SVEP1: variants seen among roughly 807,000 people sequenced by gnomAD.
SVEP1 encodes the protein sushi, von Willebrand factor type A, EGF and pentraxin domain containing 1.
Under a neutral mutation model 367.3 loss-of-function variants are expected in SVEP1, and 164 were observed. That is an observed-to-expected ratio of 0.45 (90% CI 0.39 to 0.51). SVEP1 has a LOEUF of 0.51. Among genes scored for constraint, SVEP1 ranks in the 20% least tolerant of loss-of-function variants. The probability of loss-of-function intolerance (pLI) is 0.00; values close to 1 mark genes in which losing one functional copy is unlikely to be tolerated. For synonymous variants in SVEP1, 1,666 were observed against 1,611.6 expected, an observed-to-expected ratio of 1.03 and a Z score of -0.81; for missense variants, 4,117 against 4,425.3, an observed-to-expected ratio of 0.93 and a Z score of 1.98.
rs764969877 is a variant in SVEP1, at chr9:110,429,124, T to C, written c.5807+19A>G. 2 of 1,529,746 alleles carry C rather than the reference T, an allele frequency of 1.3e-6. No individual in the cohort carries two copies. The highest frequency in any genetic ancestry group is 1.8e-6 in the Non-Finnish European group (2 of 1,140,846). The allele number at this position is 1,529,746 out of a possible 1,614,324, so 94.8% of individuals were successfully genotyped here. ...AACACAGTATTGTAGAAAGCTTGGT[T>C]GGTGTCTACAAATGTTACCTGTATC... On this transcript the variant is annotated intron_variant, in intron 35 of 47. Transcript: ENST00000374469.
intron 41 of SVEP1, among the ~76,000 whole-genome samples, chr9:110,387,848 G>C (rs1451830488): frequency 6.6e-6 from 1 of 152,122 alleles, no homozygotes; most frequent in South Asian, 2.1e-4. Context: ...TAAAATAGAG[G>C]ATGCCCTGTT....
intron 1 of SVEP1, among the ~76,000 whole-genome samples, chr9:110,551,989 T>C (rs1296619303): frequency 6.7e-6 from 1 of 148,954 alleles, no homozygotes; most frequent in East Asian, 2.0e-4. Context: ...CCCTTGGTCA[T>C]AATGACAGCG....
Position 110,514,121 on chromosome 9 carries a change from G to A in SVEP1, c.965-15C>T, listed in dbSNP as rs1314704379. 1.2e-6 allele frequency: 2 copies of A among 1,604,138 alleles called. No homozygotes were observed. The highest frequency in any genetic ancestry group is 8.5e-7 in the Non-Finnish European group (1 of 1,174,718). On this transcript the variant is annotated splice_polypyrimidine_tract_variant and intron_variant, in intron 3 of 47. Transcript: ENST00000374469. ...CGATGGGCAAGCTGTGGGCAGACAA[G>A]CCGGAGAAGTCCATGTTATGTGGCA...
In SVEP1 at chr9:110,387,413, T is replaced by C. The variant is rs552175675; in HGVS notation, c.9932A>G (p.Asp3311Gly). Residue 3311 changes from aspartate to glycine, a missense_variant, in exon 42 of 48, where the codon GAC becomes GGC. Coordinates refer to ENST00000374469, the MANE Select transcript of SVEP1 (RefSeq NM_153366.4). ...TPLEFLNGKA[D>G]IENRTTGPNV... ...GGGTCCAGTCGTCCTGTTTTCAATG[T>C]CAGCTTTCCCATTGAGAAATTCAAG... 2 of 1,612,946 alleles carry C rather than the reference T, an allele frequency of 1.2e-6. No individual in the cohort carries two copies. The highest frequency in any genetic ancestry group is 1.1e-5 in the South Asian group (1 of 90,912).
intron 26 of SVEP1, among the ~76,000 whole-genome samples, chr9:110,445,351 C>T (rs778878165): frequency 6.6e-6 from 1 of 152,170 alleles, no homozygotes; most frequent in Non-Finnish European, 1.5e-5. Flanking sequence ...AATATGCACA[C>T]TGAGTTTGTA....
At position 110,569,456 on chromosome 9, in the gene SVEP1, C is replaced by CAAAAA. The variant is rs11368565; in HGVS notation, c.531+9552_531+9556dup. On this transcript the variant is annotated intron_variant, in intron 1 of 47. Coordinates refer to ENST00000374469, the MANE Select transcript of SVEP1 (RefSeq NM_153366.4). The stretch of plus-strand genomic sequence containing the variant: ...GGGCAACAAGAGTGAAACTCAGTCT[C>CAAAAA]AAAAAAAAAAAAAAAAAATTTGAGG... Among the ~76,000 whole-genome samples, 142 of 116,862 alleles carry CAAAAA rather than the reference C, an allele frequency of 1.2e-3. 1 individual carries two copies. Among genetic ancestry groups the CAAAAA allele is most frequent in the Non-Finnish European group, 2.0e-3 (113 of 55,604 alleles). The allele number at this position is 116,862 out of a possible 152,430, so 76.7% of individuals were successfully genotyped here. A position where few individuals can be genotyped will look rare whatever the true frequency, so the allele number is the denominator to read the frequency against.
At chr9:110,532,845 G>T (rs1406963904) in intron 3 of SVEP1, among the ~76,000 whole-genome samples, 1 of 151,916 alleles carries the variant, frequency 6.6e-6, no homozygotes, top group East Asian at 1.9e-4. Flanking sequence ...CAGAAACTTT[G>T]CCGAATGTCC....
intron 6 of SVEP1, among the ~76,000 whole-genome samples, chr9:110,502,281 T>A (rs1417788671): frequency 6.6e-6 from 1 of 152,010 alleles, no homozygotes; most frequent in Admixed American, 6.6e-5. Context: ...TTTTTAGTAT[T>A]TTTAGTAGAG....
chr9:110,531,407 G>A (rs1830016684), intron 3 of SVEP1, among the ~76,000 whole-genome samples: 1 of 152,156 alleles, frequency 6.6e-6, no homozygotes, highest in African/African-American at 2.4e-5. Flanking sequence ...CCCAGAGGAA[G>A]GTAATTTAAT....
chr9:110,482,413 G>A lies in SVEP1; in HGVS notation c.2118C>T (p.Ala706=), dbSNP rs1829206145. Residue 706 remains alanine (A), a synonymous_variant, in exon 11 of 48, where the codon GCC becomes GCT. Coordinates refer to ENST00000374469, the MANE Select transcript of SVEP1 (RefSeq NM_153366.4). ...PQGETIVQYT[A]TDPSGNNRTC... ...TCCTGTTATTGCCTGAGGGGTCAGT[G>A]GCTGTATACTGTACTATAGTCTCCC... 1 of 1,611,664 alleles carries A rather than the reference G, an allele frequency of 6.2e-7. No individual in the cohort carries two copies. The highest frequency in any genetic ancestry group is 2.2e-5 in the East Asian group (1 of 44,860).
intron 1 of SVEP1, among the ~76,000 whole-genome samples, chr9:110,556,554 G>A (rs569671200): frequency 6.6e-6 from 1 of 152,140 alleles, no homozygotes; most frequent in Non-Finnish European, 1.5e-5. Flanking sequence ...GAGTGCAGTG[G>A]TGTGATCTTG....
At position 110,365,299 on chromosome 9, in the gene SVEP1, C is replaced by T. The variant is rs995942877; in HGVS notation, c.*1240G>A. The T allele has an allele frequency of 6.6e-6, 1 of 152,104 alleles. No homozygotes were observed. Among genetic ancestry groups the T allele is most frequent in the Non-Finnish European group, 1.5e-5 (1 of 68,018 alleles). The allele number at this position is 152,104 out of a possible 1,614,324, so 9.4% of individuals were successfully genotyped here. A position where few individuals can be genotyped will look rare whatever the true frequency, so the allele number is the denominator to read the frequency against. ...ATTTATTGGAAAGTAGACTCATAAG[C>T]ATGTAAGACTGGCCAAGAAAGTGAA... On this transcript the variant is annotated 3_prime_UTR_variant, in exon 48 of 48. Coordinates refer to ENST00000374469, the MANE Select transcript of SVEP1 (RefSeq NM_153366.4).
chr9:110,425,539 C>A (rs554041989), intron 36 of SVEP1, among the ~76,000 whole-genome samples: 6 of 152,284 alleles, frequency 3.9e-5, no homozygotes, highest in Admixed American at 1.3e-4. Context: ...GGGAATAATA[C>A]TTCTTCTGCC....
chr9:110,463,973 T>C (rs1828899459), intron 18 of SVEP1, among the ~76,000 whole-genome samples: 1 of 152,152 alleles, frequency 6.6e-6, no homozygotes, highest in East Asian at 1.9e-4. Context: ...TTGGGAATTA[T>C]AACTCCTTAA....
chr9:110,372,646 A>AAACTT (rs1316025948), intron 46 of SVEP1, among the ~76,000 whole-genome samples: 1 of 152,232 alleles, frequency 6.6e-6, no homozygotes, highest in Non-Finnish European at 1.5e-5. Context: ...AGATCAGAGG[A>AAACTT]AACTTAGGCA....
intron 27 of SVEP1, chr9:110,442,471 T>C (rs1828524394): frequency 6.6e-6 from 1 of 151,340 alleles, no homozygotes; most frequent in Non-Finnish European, 1.5e-5. Flanking sequence ...CTTTTTTTTT[T>C]TTTTTTTGAG....
At chr9:110,542,447 C>T (rs1355071797) in intron 3 of SVEP1, among the ~76,000 whole-genome samples, 2 of 152,166 alleles carry the variant, frequency 1.3e-5, no homozygotes, top group Non-Finnish European at 2.9e-5. Context: ...AGAATTCCAA[C>T]TATTCAGAAT....
At chr9:110,518,693 T>C (rs1829839637) in intron 3 of SVEP1, among the ~76,000 whole-genome samples, 1 of 152,124 alleles carries the variant, frequency 6.6e-6, no homozygotes, top group Admixed American at 6.5e-5. Flanking sequence ...CTTCAATATC[T>C]AAATAAAACT....
Position 110,408,197 on chromosome 9 carries a change from G to C in SVEP1, c.7403C>G (p.Pro2468Arg). The C allele has an allele frequency of 6.2e-7, 1 of 1,613,982 alleles. No individual in the cohort carries two copies. The highest frequency in any genetic ancestry group is 8.5e-7 in the Non-Finnish European group (1 of 1,179,900). Residue 2468 changes from proline (P) to arginine (R), a missense_variant, in exon 38 of 48, where the codon CCA (proline) becomes CGA (arginine). Pro to Arg is a moderately radical substitution (Grantham distance 103). Coordinates refer to ENST00000374469, the MANE Select transcript of SVEP1 (RefSeq NM_153366.4). ...YLSTALYTCK[P>R]GFELVGNTTT... ...AGTATTTCCCACCAATTCAAAGCCT[G>C]GCTTGCAGGTATAGAGAGCTGTGCT...
Sources: allele counts gnomAD v4.1 joint callset (sites outside exome capture counted in the v4.1 genomes callset), GRCh38; gene constraint gnomAD v4.1.1; transcripts MANE v1.5; gene names NCBI Gene and HGNC (gene_info 2026-07-23, HGNC 2026-07-21).